DSCAM: variants seen among roughly 807,000 people sequenced by gnomAD.
DSCAM encodes cell adhesion molecule DSCAM.
A neutral mutation model predicts 217.7 loss-of-function variants in DSCAM; 47 were observed. The observed-to-expected ratio is 0.22, with a 90% confidence interval of 0.17 to 0.28. The LOEUF (loss-of-function observed/expected upper bound fraction) is 0.28. Among genes scored for constraint, DSCAM ranks in the 10% least tolerant of loss-of-function variants. The pLI, the probability that DSCAM is intolerant of heterozygous loss-of-function variation, is 1.00. For synonymous variants in DSCAM, 1,056 were observed against 1,015.3 expected, an observed-to-expected ratio of 1.04 and a Z score of -0.76; for missense variants, 2,080 against 2,618.3, an observed-to-expected ratio of 0.79 and a Z score of 4.49.
intron 1 of DSCAM, among the ~76,000 whole-genome samples, chr21:40,709,696 T>C (rs1333519822): frequency 6.6e-6 from 1 of 152,228 alleles, no homozygotes. Flanking sequence ...TGCATAGTAT[T>C]CCATGGTGTG....
At chr21:40,685,266 C>A (rs1214477867) in intron 3 of DSCAM, among the ~76,000 whole-genome samples, 3 of 152,222 alleles carry the variant, frequency 2.0e-5, no homozygotes, top group Non-Finnish European at 1.5e-5. Context: ...GACTGTCAGT[C>A]TTATGAAGGG....
intron 26 of DSCAM, among the ~76,000 whole-genome samples, chr21:40,077,760 T>C (rs2089388503): frequency 6.6e-6 from 1 of 152,194 alleles, no homozygotes. Context: ...TGGGTGTTTC[T>C]TGGTTAACTC....
chr21:40,779,540 C>A (rs371971126), intron 1 of DSCAM, among the ~76,000 whole-genome samples: 1 of 152,072 alleles, frequency 6.6e-6, no homozygotes, highest in African/African-American at 2.4e-5. Context: ...ATAAGAGAGG[C>A]GAAGCTGCTG....
chr21:40,348,331 C>A (rs1292625613), intron 5 of DSCAM, among the ~76,000 whole-genome samples: 1 of 152,164 alleles, frequency 6.6e-6, no homozygotes. Context: ...ATACCCCATA[C>A]ATTTTGTATC....
intron 3 of DSCAM, among the ~76,000 whole-genome samples, chr21:40,593,118 C>T (rs968199970): frequency 6.6e-6 from 1 of 152,134 alleles, no homozygotes; most frequent in Non-Finnish European, 1.5e-5. Context: ...TTAAACTACA[C>T]TATTTAAGAG....
chr21:40,596,200 C>A (rs2146252805), intron 3 of DSCAM, among the ~76,000 whole-genome samples: 1 of 152,300 alleles, frequency 6.6e-6, no homozygotes, highest in Admixed American at 6.5e-5. Context: ...TAGACAGGTA[C>A]TACCTAGAAA....
At chr21:40,831,910 A>T (rs1004251397) in intron 1 of DSCAM, among the ~76,000 whole-genome samples, 2 of 152,240 alleles carry the variant, frequency 1.3e-5, no homozygotes, top group African/African-American at 4.8e-5. Context: ...AACTCTTTAA[A>T]GAAAATTTAA....
chr21:40,370,296 C>T (rs2074882052), intron 3 of DSCAM, among the ~76,000 whole-genome samples: 1 of 150,942 alleles, frequency 6.6e-6, no homozygotes, highest in South Asian at 2.1e-4. Context: ...CCTCATTGCA[C>T]CTTCCCGGTG....
At chr21:40,133,673 GACA>G (rs2090177349) in intron 19 of DSCAM, among the ~76,000 whole-genome samples, 178 bp downstream of exon 19, 1 of 152,128 alleles carries the variant, frequency 6.6e-6, no homozygotes, top group Non-Finnish European at 1.5e-5. Flanking sequence ...CAATGGATTA[GACA>G]CATCAAGCAA....
chr21:40,415,694 C>G, intron 3 of DSCAM, among the ~76,000 whole-genome samples: 1 of 152,136 alleles, frequency 6.6e-6, no homozygotes, highest in East Asian at 1.9e-4. Context: ...GATCTCACAC[C>G]CTGGCAAGGT....
At chr21:40,445,221 T>C (rs968288704) in intron 3 of DSCAM, among the ~76,000 whole-genome samples, 6 of 152,160 alleles carry the variant, frequency 3.9e-5, no homozygotes, top group African/African-American at 1.2e-4. Context: ...TATTATCACA[T>C]TGGGTATTAG....
chr21:40,364,194 A>T (rs1046793399), intron 4 of DSCAM, among the ~76,000 whole-genome samples: 3 of 152,186 alleles, frequency 2.0e-5, no homozygotes, highest in Non-Finnish European at 2.9e-5. Context: ...ACCCAAAGTA[A>T]TATAAATCAT....
chr21:40,339,636 T>C (rs1209594073), intron 6 of DSCAM, among the ~76,000 whole-genome samples: 8 of 152,174 alleles, frequency 5.3e-5, no homozygotes, highest in African/African-American at 1.9e-4. Flanking sequence ...TGTTTCTATA[T>C]TTCCTGATTG....
intron 19 of DSCAM, among the ~76,000 whole-genome samples, chr21:40,125,070 C>T (rs1405609610): frequency 6.6e-6 from 1 of 152,158 alleles, no homozygotes; most frequent in Non-Finnish European, 1.5e-5. Context: ...CTCCCTCACC[C>T]TAGTCATTTT....
chr21:40,438,022 G>A (rs147310002), intron 3 of DSCAM, among the ~76,000 whole-genome samples: 91 of 152,240 alleles, frequency 6.0e-4, no homozygotes, highest in Middle Eastern at 3.4e-3. Flanking sequence ...CTTCTTGCTC[G>A]CCACCAGGTG....
chr21:40,644,824 C>A (rs2089925080), intron 3 of DSCAM, among the ~76,000 whole-genome samples: 1 of 152,114 alleles, frequency 6.6e-6, no homozygotes, highest in Admixed American at 6.5e-5. Flanking sequence ...GCACCAAGAA[C>A]CTGGACAACT....
rs1860697438 is a variant in DSCAM at position 40,144,117 on chromosome 21, T to A, written c.3259+374A>T. 6.6e-6 allele frequency among the ~76,000 whole-genome samples: 1 copy of A among 152,090 alleles called. No individual in the cohort carries two copies. ...GAAACAATGAAAAATAAAATAAATTTTAAAAAACCTTCTTAACATTTGGGA... is the reference window on the plus strand; with the variant it reads ...GAAACAATGAAAAATAAAATAAATTATAAAAAACCTTCTTAACATTTGGGA... On this transcript the variant is annotated intron_variant, in intron 17 of 32. Transcript: ENST00000400454. The surrounding 1 kb of genome is among the most constrained non-coding windows in gnomAD (Gnocchi z 4.8).
At chr21:40,197,150 G>A (rs1379009029) in intron 11 of DSCAM, among the ~76,000 whole-genome samples, 1 of 151,316 alleles carries the variant, frequency 6.6e-6, no homozygotes, top group Non-Finnish European at 1.5e-5. Flanking sequence ...ACGGAGTCTT[G>A]CTCTGTGGCC....
intron 3 of DSCAM, among the ~76,000 whole-genome samples, chr21:40,570,916 CAGA>C (rs1168993333): frequency 2.0e-5 from 3 of 151,896 alleles, no homozygotes; most frequent in South Asian, 2.1e-4. Flanking sequence ...ATTGGAATCC[CAGA>C]AGAAGAAGAG....
Sources: gnomAD v4.1 joint callset for allele counts (sites outside exome capture counted in the v4.1 genomes callset) on GRCh38, gnomAD v4.1.1 for gene constraint, Gnocchi (gnomAD v3.1) non-coding constraint, MANE v1.5 for transcripts, NCBI Gene and HGNC (gene_info 2026-07-23, HGNC 2026-07-21) for gene names.